The following PELP1 variants were observed in gnomAD, a reference collection of about 807,000 sequenced individuals.
PELP1 encodes the protein proline, glutamate and leucine rich protein 1.
A neutral mutation model predicts 95.5 loss-of-function variants in PELP1; 32 were observed. That is an observed-to-expected ratio of 0.34 (90% CI 0.25 to 0.45). The LOEUF (loss-of-function observed/expected upper bound fraction) is 0.45, where lower values mean the gene tolerates loss of function less well. Ranked by LOEUF, PELP1 falls within the 20% of genes least tolerant of loss-of-function variation. PELP1 has a pLI of 1.00. For synonymous variants in PELP1, 668 were observed against 600.1 expected (o/e 1.11, Z -1.65); for missense variants, 1,358 against 1,444.8 (o/e 0.94, Z 0.97).
Position 4,676,044 on chromosome 17 carries a change from G to C in PELP1, c.972C>G (p.Leu324=). 6.2e-7 allele frequency: 1 copy of C among 1,613,844 alleles called. No homozygotes were observed. Among genetic ancestry groups the C allele is most frequent in the Non-Finnish European group, 8.5e-7 (1 of 1,179,844 alleles). The stretch of plus-strand genomic sequence containing the variant: ...CCAATACCCACACACACCTGAGCAT[G>C]AGCCCTAGGCAGCGGGCCAGTCCCG... The part of the protein sequence containing the change: ...RFSGLARCLG[L]MLSSEFGAPV... Residue 324 remains leucine, a synonymous_variant, in exon 8 of 17, where the codon CTC becomes CTG. Coordinates refer to ENST00000572293, the MANE Select transcript of PELP1 (RefSeq NM_014389.3).
chr17:4,674,461 A>T, intron 13 of PELP1, 49 bp downstream of exon 13: 2 of 1,563,054 alleles, frequency 1.3e-6, no homozygotes, highest in Non-Finnish European at 8.7e-7. Flanking sequence ...AGGGGAAAGG[A>T]TGGGGTCCCG....
Position 4,675,021 on chromosome 17 carries a change from C to T in PELP1, c.1274+58G>A, listed in dbSNP as rs1233880145. On this transcript the variant is annotated intron_variant, in intron 11 of 16. Coordinates refer to ENST00000572293, the MANE Select transcript of PELP1 (RefSeq NM_014389.3). The surrounding 1 kb of genome is among the most constrained non-coding windows in gnomAD (Gnocchi z 4.3). ...CAACATGCCAGAAGCCCCAGCCCAC[C>T]TGCACCCCCTCACCCCCCTCTCCTC... is the stretch of plus-strand genomic sequence containing the variant. 2 of 1,607,190 alleles carry T rather than the reference C, an allele frequency of 1.2e-6. No individual in the cohort carries two copies. Among genetic ancestry groups the T allele is most frequent in the African/African-American group, 2.7e-5 (2 of 74,802 alleles).
At chr17:4,678,477 C>T (rs980875932) in intron 5 of PELP1, among the ~76,000 whole-genome samples, 4 of 152,144 alleles carry the variant, frequency 2.6e-5, no homozygotes, top group Non-Finnish European at 4.4e-5. Flanking sequence ...TCTCCAAAAA[C>T]GGCTCAAAAA....
Position 4,676,025 on chromosome 17 carries a change from C to G in PELP1, c.980+11G>C. The G allele has an allele frequency of 1.2e-6, 2 of 1,613,614 alleles. No individual in the cohort carries two copies. Among genetic ancestry groups the G allele is most frequent in the Non-Finnish European group, 1.7e-6 (2 of 1,179,670 alleles). On this transcript the variant is annotated intron_variant, in intron 8 of 16. Coordinates refer to ENST00000572293, the MANE Select transcript of PELP1 (RefSeq NM_014389.3). Reference sequence around the variant, plus strand: ...CTCCACGCCTCCGCTCCCTCCAATACCCACACACACCTGAGCATGAGCCCT... The same window carrying G: ...CTCCACGCCTCCGCTCCCTCCAATAGCCACACACACCTGAGCATGAGCCCT...
Position 4,672,147 on chromosome 17 carries a change from C to CTCT in PELP1, c.2841_2843dup (p.Glu949dup). ...GTTCTTCTTCCTCCTCCTCATCCTC[C>CTCT]TCTTCTTCTTCTTCCTCTAACTCAC... On this transcript the variant is annotated inframe_insertion, in exon 16 of 17. Transcript: ENST00000572293. 1 of 1,548,406 alleles carries CTCT rather than the reference C, an allele frequency of 6.5e-7. No homozygotes were observed. Among genetic ancestry groups the CTCT allele is most frequent in the African/African-American group, 1.4e-5 (1 of 71,314 alleles).
Position 4,675,184 on chromosome 17 carries a change from C to G in PELP1, c.1169G>C (p.Arg390Pro). The G allele has an allele frequency of 1.2e-6, 2 of 1,613,602 alleles. No individual in the cohort carries two copies. Among genetic ancestry groups the G allele is most frequent in the Non-Finnish European group, 1.7e-6 (2 of 1,179,766 alleles). The change falls in exon 11 of 17, where the codon CGG becomes CCG. Residue 390 changes from arginine (R) to proline (P), a missense_variant. Arg to Pro is a moderately radical substitution (Grantham distance 103, BLOSUM62 -2). Coordinates refer to ENST00000572293, the MANE Select transcript of PELP1 (RefSeq NM_014389.3). The surrounding 1 kb of genome is among the most constrained non-coding windows in gnomAD (Gnocchi z 4.3). Reference sequence around the variant, plus strand: ...GATCAGGATCCCAAAGCGCAAGAGCCGGCTTCCACACCTGGGGCAGAGAAG... The same window carrying G: ...GATCAGGATCCCAAAGCGCAAGAGCGGGCTTCCACACCTGGGGCAGAGAAG... ...LSALILACGSRLLRFGILIGR... is the reference protein window; with the variant it reads ...LSALILACGSPLLRFGILIGR...
At chr17:4,703,840 G>T (rs777302597) in intron 1 of PELP1, 23 bp downstream of exon 1, 1 of 1,592,564 alleles carries the variant, frequency 6.3e-7, no homozygotes, top group Non-Finnish European at 8.6e-7. Flanking sequence ...ACAGGGCCGC[G>T]GGCACGCGGG....
At chr17:4,697,092 G>T (rs749618563) in intron 1 of PELP1, among the ~76,000 whole-genome samples, 2 of 152,194 alleles carry the variant, frequency 1.3e-5, no homozygotes, top group African/African-American at 4.8e-5. Context: ...AAGGGAATAA[G>T]AGTAAAGAGA....
chr17:4,681,576 C>T (rs904408759), intron 5 of PELP1, among the ~76,000 whole-genome samples: 3 of 151,112 alleles, frequency 2.0e-5, no homozygotes, highest in South Asian at 2.1e-4. Context: ...TCAAGGCGGG[C>T]GGATCACAAA....
intron 16 of PELP1, 32 bp downstream of exon 16, chr17:4,671,640 CCGCCAGCCCCACCTTCTCG>C: frequency 3.1e-6 from 5 of 1,601,050 alleles, no homozygotes; most frequent in Non-Finnish European, 4.3e-6. Flanking sequence ...ACCCCTTCTC[CCGCCAGCCCCACCTTCTCG>C]CCCAAGGAAC....
Position 4,703,847 on chromosome 17 carries a change from C to G in PELP1, c.249+16G>C. The G allele has an allele frequency of 6.3e-7, 1 of 1,597,920 alleles. No individual in the cohort carries two copies. On this transcript the variant is annotated intron_variant, in intron 1 of 16. Transcript: ENST00000572293. ...TCCTCCCCACAGGGCCGCGGGCACG[C>G]GGGCCACGGACTCACCTGGGCCCCG...
At chr17:4,689,396 G>C (rs532614903) in intron 3 of PELP1, among the ~76,000 whole-genome samples, 1 of 152,082 alleles carries the variant, frequency 6.6e-6, no homozygotes, top group South Asian at 2.1e-4. Context: ...CCCACAAAGC[G>C]GGAGAAAATC....
Position 4,675,322 on chromosome 17 carries a change from GGCAGCA to G in PELP1, c.1103_1108del (p.Leu368_Leu369del), listed in dbSNP as rs770279069. 1 of 1,563,366 alleles carries G rather than the reference GGCAGCA, an allele frequency of 6.4e-7. No individual in the cohort carries two copies. The highest frequency in any genetic ancestry group is 1.9e-5 in the Admixed American group (1 of 51,964). ...GTCCAAGGCCTCAAGGTGGATAGAG[GGCAGCA>G]GCAGCAGCCGCAGGGGACCATCTCC... On this transcript the variant is annotated inframe_deletion, in exon 10 of 17. Coordinates refer to ENST00000572293, the MANE Select transcript of PELP1 (RefSeq NM_014389.3). The surrounding 1 kb of genome is among the most constrained non-coding windows in gnomAD (Gnocchi z 4.3).
At chr17:4,677,590 G>A (rs928785881) in intron 5 of PELP1, among the ~76,000 whole-genome samples, 7 of 152,160 alleles carry the variant, frequency 4.6e-5, no homozygotes, top group Non-Finnish European at 8.8e-5. Context: ...TGCAATTATA[G>A]TCGTTGTAAG....
chr17:4,678,107 G>C (rs962279486), intron 5 of PELP1, among the ~76,000 whole-genome samples: 10 of 151,948 alleles, frequency 6.6e-5, no homozygotes, highest in African/African-American at 2.4e-4. Flanking sequence ...CCAGCTACTT[G>C]GGAGGCTGAG....
chr17:4,676,421 C>A lies in PELP1; in HGVS notation c.789G>T (p.Glu263Asp). The A allele has an allele frequency of 6.2e-7, 1 of 1,613,720 alleles. No individual in the cohort carries two copies. Residue 263 changes from glutamate to aspartate, a missense_variant, in exon 7 of 17, where the codon GAG (glutamate) becomes GAT (aspartate). By Grantham distance (45) the Glu-to-Asp change is conservative. Coordinates refer to ENST00000572293, the MANE Select transcript of PELP1 (RefSeq NM_014389.3). ...GCAGTGAGGCCAGCAGACTGTGTAG[C>A]TCCTGCTCCCAGCTCTCGGTGTGCT... ...GLKHTESWEQ[E>D]LHSLLASLHT...
chr17:4,673,553 C>T lies in PELP1; in HGVS notation c.1638+66G>A, dbSNP rs980804822. On this transcript the variant is annotated intron_variant, in intron 14 of 16. Coordinates refer to ENST00000572293, the MANE Select transcript of PELP1 (RefSeq NM_014389.3). This position sits in a 1 kb window ranked among gnomAD's most constrained non-coding sequence, Gnocchi z 5.7. ...TCGGAATGGACCCACCTCTGGGCCA[C>T]ACCCCCCAATGTGTACAGAGCAGGG... 1.3e-6 allele frequency: 2 copies of T among 1,576,614 alleles called. No individual in the cohort carries two copies. The highest frequency in any genetic ancestry group is 2.7e-5 in the African/African-American group (2 of 74,148).
chr17:4,673,686 G>A lies in PELP1; in HGVS notation c.1583-12C>T, dbSNP rs1912335339. On this transcript the variant is annotated splice_polypyrimidine_tract_variant and intron_variant, in intron 13 of 16. Transcript: ENST00000572293. The surrounding 1 kb of genome is among the most constrained non-coding windows in gnomAD (Gnocchi z 5.7). ...GGTCCGGCTGAGGCCTGGGGAAGAA[G>A]AATGGTGTGTAAAGGGTAGGCTCCC... The A allele has an allele frequency of 1.9e-6, 3 of 1,613,260 alleles. No individual in the cohort carries two copies. Among genetic ancestry groups the A allele is most frequent in the South Asian group, 1.1e-5 (1 of 91,072 alleles).
intron 1 of PELP1, among the ~76,000 whole-genome samples, chr17:4,700,980 G>A (rs1414239568): frequency 6.3e-5 from 3 of 47,858 alleles, no homozygotes; most frequent in Admixed American, 2.9e-4. Flanking sequence ...GAAAGAAAAA[G>A]CAAAGTTCCA....
Sources: gnomAD v4.1 joint callset for allele counts (sites outside exome capture counted in the v4.1 genomes callset) on GRCh38, gnomAD v4.1.1 for gene constraint, Gnocchi (gnomAD v3.1) non-coding constraint, MANE v1.5 for transcripts, NCBI Gene and HGNC (gene_info 2026-07-23, HGNC 2026-07-21) for gene names.